Variants in SMOC2 observed in about 807,000 individuals in gnomAD.
The protein encoded by SMOC2 is SPARC related modular calcium binding 2.
Under a neutral mutation model 61.4 loss-of-function variants are expected in SMOC2, and 39 were observed. That is an observed-to-expected ratio of 0.64 (90% CI 0.49 to 0.83). SMOC2 has a LOEUF of 0.83. Ranked by LOEUF, SMOC2 falls within the 40% of genes least tolerant of loss-of-function variation. SMOC2 has a pLI of 0.00. For missense variants in SMOC2, 556 were observed against 592.9 expected, an observed-to-expected ratio of 0.94 and a Z score of 0.65; for synonymous variants, 247 against 239.9, an observed-to-expected ratio of 1.03 and a Z score of -0.27.
In SMOC2 at chr6:168,553,051, T is replaced by C. The variant is rs1163479790; in HGVS notation, c.637+3848T>C. On this transcript the variant is annotated intron_variant, in intron 7 of 12. Transcript: ENST00000356284. The surrounding 1 kb of genome is among the most constrained non-coding windows in gnomAD (Gnocchi z 4.2). ...ATTACTCTTTTTAAAACAAGCTGAA[T>C]GAAACAAACAAAATAACCAAATTAA... Among the ~76,000 whole-genome samples the C allele has an allele frequency of 6.6e-6, 1 of 152,120 alleles. No individual in the cohort carries two copies. The highest frequency in any genetic ancestry group is 1.5e-5 in the Non-Finnish European group (1 of 68,016).
At chr6:168,508,387 G>A (rs1268934515) in intron 1 of SMOC2, among the ~76,000 whole-genome samples, 2 of 152,178 alleles carry the variant, frequency 1.3e-5, no homozygotes, top group African/African-American at 4.8e-5. Flanking sequence ...AACCCACAGT[G>A]GTGCTGACAG....
intron 7 of SMOC2, among the ~76,000 whole-genome samples, chr6:168,550,736 T>C (rs748890309): frequency 3.9e-5 from 6 of 152,238 alleles, no homozygotes; most frequent in Non-Finnish European, 8.8e-5. Context: ...ATTTAATACC[T>C]ATTTATAACA....
intron 1 of SMOC2, among the ~76,000 whole-genome samples, chr6:168,465,022 C>A (rs1035040235): frequency 1.3e-5 from 2 of 151,922 alleles, no homozygotes; most frequent in Non-Finnish European, 2.9e-5. Flanking sequence ...GAGTGACTTA[C>A]GTCCAGGAGC....
At chr6:168,659,036 ATGTGTG>A (rs563012564) in intron 11 of SMOC2, among the ~76,000 whole-genome samples, 4 of 131,846 alleles carry the variant, frequency 3.0e-5, no homozygotes, top group African/African-American at 1.1e-4. Flanking sequence ...TGTGGTGTGT[ATGTGTG>A]TGTGTGGCGT....
At chr6:168,647,774 T>A (rs1182135593) in intron 9 of SMOC2, among the ~76,000 whole-genome samples, 8 of 152,202 alleles carry the variant, frequency 5.3e-5, no homozygotes, top group Non-Finnish European at 2.9e-5. Context: ...AATCTTTCAT[T>A]TTTGTTCGCC....
intron 2 of SMOC2, among the ~76,000 whole-genome samples, 169 bp from the exon 3 acceptor site, chr6:168,526,177 C>T (rs889366952): frequency 6.6e-6 from 1 of 152,262 alleles, no homozygotes; most frequent in Non-Finnish European, 1.5e-5. Context: ...ACCTGCCCTT[C>T]TTCTGAGGCT....
intron 7 of SMOC2, among the ~76,000 whole-genome samples, chr6:168,578,532 G>A (rs1035402946): frequency 2.2e-4 from 33 of 152,286 alleles, no homozygotes; most frequent in Admixed American, 8.5e-4. Flanking sequence ...CCTTGCCCTT[G>A]GTGCAAAAGG....
intron 7 of SMOC2, among the ~76,000 whole-genome samples, chr6:168,550,616 C>T (rs79885100): frequency 0.016 from 2,380 of 152,260 alleles, 69 homozygotes; most frequent in African/African-American, 0.054. Flanking sequence ...CCTCCAGCCC[C>T]GGAGTCTTAG....
rs1583148971 is a variant in SMOC2, at chr6:168,600,418, AAAACAAAAAAAAAAAC to A, written c.824+1418_824+1433del. On this transcript the variant is annotated intron_variant, in intron 8 of 12. Coordinates refer to ENST00000356284, the MANE Select transcript of SMOC2 (RefSeq NM_001166412.2). ...GCGAAACTCTGCCTCAAAAAAAAAA[AAAACAAAAAAAAAAAC>A]AAAAAAAAAAACAGTAGTTTCAACT... is the stretch of plus-strand genomic sequence containing the variant. 8.2e-5 allele frequency among the ~76,000 whole-genome samples: 2 copies of A among 24,258 alleles called. 1 individual carries two copies. The highest frequency in any genetic ancestry group is 2.6e-4 in the African/African-American group (2 of 7,562). The allele number at this position is 24,258 out of a possible 152,430, so 15.9% of individuals were successfully genotyped here. A position where few individuals can be genotyped will look rare whatever the true frequency, so the allele number is the denominator to read the frequency against.
At chr6:168,469,343 G>C (rs1267546216) in intron 1 of SMOC2, among the ~76,000 whole-genome samples, 1 of 152,200 alleles carries the variant, frequency 6.6e-6, no homozygotes, top group African/African-American at 2.4e-5. Context: ...TAACGGAGCA[G>C]TGCTTTCGCC....
At chr6:168,590,725 G>A (rs1425962126) in intron 7 of SMOC2, among the ~76,000 whole-genome samples, 1 of 152,128 alleles carries the variant, frequency 6.6e-6, no homozygotes, top group Non-Finnish European at 1.5e-5. Flanking sequence ...ACTGAATCAA[G>A]TAGACTTCAT....
chr6:168,458,874 A>G (rs1245242625), intron 1 of SMOC2, among the ~76,000 whole-genome samples: 1 of 152,248 alleles, frequency 6.6e-6, no homozygotes, highest in Non-Finnish European at 1.5e-5. Context: ...TTCTCATTGT[A>G]TAATAATTAA....
Position 168,598,801 on chromosome 6 carries a change from C to T in SMOC2, c.638-17C>T, listed in dbSNP as rs1785395041. On this transcript the variant is annotated splice_polypyrimidine_tract_variant and intron_variant, in intron 7 of 12. Coordinates refer to ENST00000356284, the MANE Select transcript of SMOC2 (RefSeq NM_001166412.2). The stretch of plus-strand genomic sequence containing the variant: ...TCGCTGGATCCTGCTCACCTTTTGC[C>T]TTCTTCTTCCCCGCAGTGTCATCCT... 5.6e-6 allele frequency: 9 copies of T among 1,613,030 alleles called. No individual in the cohort carries two copies. The highest frequency in any genetic ancestry group is 7.6e-6 in the Non-Finnish European group (9 of 1,179,298).
intron 1 of SMOC2, among the ~76,000 whole-genome samples, chr6:168,469,109 C>T (rs1298818353): frequency 6.6e-6 from 1 of 152,208 alleles, no homozygotes; most frequent in East Asian, 1.9e-4. Flanking sequence ...GGGTCAGACC[C>T]AGCTGTGGCA....
chr6:168,552,538 G>T (rs1444654779), intron 7 of SMOC2, among the ~76,000 whole-genome samples: 1 of 152,110 alleles, frequency 6.6e-6, no homozygotes, highest in Admixed American at 6.5e-5. Context: ...TGAAAATAAT[G>T]TGACTTTTGT....
chr6:168,554,561 G>T (rs1784203427), intron 7 of SMOC2, among the ~76,000 whole-genome samples: 1 of 152,200 alleles, frequency 6.6e-6, no homozygotes, highest in South Asian at 2.1e-4. Flanking sequence ...CCCGTCTCAG[G>T]CCTGCACAGG....
At chr6:168,633,678 A>G (rs538983575) in intron 9 of SMOC2, among the ~76,000 whole-genome samples, 50 of 152,292 alleles carry the variant, frequency 3.3e-4, no homozygotes, top group Non-Finnish European at 4.9e-4. Context: ...GGGCATGGGA[A>G]AAAATAACAG....
chr6:168,554,206 T>C (rs528182303), intron 7 of SMOC2, among the ~76,000 whole-genome samples: 2 of 152,354 alleles, frequency 1.3e-5, no homozygotes, highest in South Asian at 4.1e-4. Flanking sequence ...CATCATGTTG[T>C]TTTCAGGTGC....
At chr6:168,609,150 G>A (rs976291318) in intron 9 of SMOC2, among the ~76,000 whole-genome samples, 1 of 152,224 alleles carries the variant, frequency 6.6e-6, no homozygotes, top group Non-Finnish European at 1.5e-5. Flanking sequence ...AACGAGAATG[G>A]TTGACACAGG....
Sources: allele counts gnomAD v4.1 joint callset (sites outside exome capture counted in the v4.1 genomes callset), GRCh38; gene constraint gnomAD v4.1.1; non-coding constraint Gnocchi (gnomAD v3.1); transcripts MANE v1.5; gene names NCBI Gene and HGNC (gene_info 2026-07-23, HGNC 2026-07-21).